The following EXOSC2 variants were observed in gnomAD, a reference collection of about 807,000 sequenced individuals.
EXOSC2 encodes the protein exosome complex component RRP4.
Under a neutral mutation model 37.6 loss-of-function variants are expected in EXOSC2, and 29 were observed. That is an observed-to-expected ratio of 0.77 (90% CI 0.57 to 1.05). EXOSC2 has a LOEUF of 1.05. Ranked by LOEUF, EXOSC2 falls within the 50% of genes least tolerant of loss-of-function variation. The pLI is 0.00. For missense variants in EXOSC2, 346 were observed against 365.6 expected (o/e 0.95, Z 0.44); for synonymous variants, 119 against 131.1 (o/e 0.91, Z 0.63).
chr9:130,701,654 T>C (rs1226904443), intron 6 of EXOSC2: 1 of 972,832 alleles, frequency 1.0e-6, no homozygotes, highest in African/African-American at 1.8e-5. Flanking sequence ...TGGCAGGACG[T>C]GGACTTGAGC....
Position 130,693,797 on chromosome 9 carries a change from G to C in EXOSC2, c.6G>C (p.Ala2=), listed in dbSNP as rs755941119. The change falls in exon 1 of 9, where the codon GCG becomes GCC. Residue 2 remains alanine (A), a synonymous_variant. Coordinates refer to ENST00000372358, the MANE Select transcript of EXOSC2 (RefSeq NM_014285.7). ...CGCAACTCATTGGCGCCAAGATGGC[G>C]ATGGAGATGAGGCTTCCAGTGGCTC... M[A]MEMRLPVARK... 1 of 1,605,090 alleles carries C rather than the reference G, an allele frequency of 6.2e-7. No individual in the cohort carries two copies. Among genetic ancestry groups the C allele is most frequent in the East Asian group, 2.2e-5 (1 of 44,470 alleles).
At position 130,704,624 on chromosome 9, in the gene EXOSC2, G is replaced by A. The variant is rs1457347518; in HGVS notation, c.*850G>A. ...CCATAGATGTGATTATGTCCACACC[G>A]GGCTGCCTTAATCTGTCCTGCTTGG... On this transcript the variant is annotated 3_prime_UTR_variant, in exon 9 of 9. Transcript: ENST00000372358. 3 of 151,990 alleles carry A rather than the reference G, an allele frequency of 2.0e-5. No homozygotes were observed. Among genetic ancestry groups the A allele is most frequent in the Admixed American group, 6.6e-5 (1 of 15,226 alleles). The allele number at this position is 151,990 out of a possible 1,614,324, so 9.4% of individuals were successfully genotyped here.
At chr9:130,702,461 A>G in intron 7 of EXOSC2, 151 bp downstream of exon 7, 2 of 633,320 alleles carry the variant, frequency 3.2e-6, no homozygotes, top group Non-Finnish European at 5.2e-6. Context: ...CATGAAGCCC[A>G]TATTATCTTC....
At chr9:130,696,054 G>C (rs1831088000) in intron 2 of EXOSC2, among the ~76,000 whole-genome samples, 1 of 151,880 alleles carries the variant, frequency 6.6e-6, no homozygotes, top group Non-Finnish European at 1.5e-5. Flanking sequence ...GTAGAGACAG[G>C]GTTTCACCAT....
In EXOSC2 at chr9:130,698,361, C is replaced by T. The variant is rs1831142552; in HGVS notation, c.360+110C>T. Reference sequence around the variant, plus strand: ...ATTTACACTGAGGTTGCCCCTTTGACTCCTGTTTGTCTGCTGTGAAGTTTG... The same window carrying T: ...ATTTACACTGAGGTTGCCCCTTTGATTCCTGTTTGTCTGCTGTGAAGTTTG... On this transcript the variant is annotated intron_variant, in intron 4 of 8. Transcript: ENST00000372358. The surrounding 1 kb of genome is among the most constrained non-coding windows in gnomAD (Gnocchi z 4.1). The T allele has an allele frequency of 1.1e-4, 103 of 904,210 alleles. 1 individual carries two copies. In the South Asian group the frequency reaches 1.5e-3, roughly 13 times the overall value. The allele number at this position is 904,210 out of a possible 1,614,324, so 56.0% of individuals were successfully genotyped here. A position where few individuals can be genotyped will look rare whatever the true frequency, so the allele number is the denominator to read the frequency against.
intron 2 of EXOSC2, among the ~76,000 whole-genome samples, chr9:130,695,834 G>A (rs1564255194): frequency 6.7e-6 from 1 of 149,670 alleles, no homozygotes; most frequent in Non-Finnish European, 1.5e-5. Flanking sequence ...TAATAGCATG[G>A]CCTACTTCAT....
chr9:130,695,672 C>G (rs1175977012), intron 2 of EXOSC2, 79 bp downstream of exon 2: 1 of 1,179,196 alleles, frequency 8.5e-7, no homozygotes, highest in Non-Finnish European at 1.2e-6. Context: ...CTCCTTATCC[C>G]CCACCCCACC....
At chr9:130,696,967 T>C (rs1831110620) in intron 2 of EXOSC2, among the ~76,000 whole-genome samples, 2 of 152,286 alleles carry the variant, frequency 1.3e-5, no homozygotes, top group African/African-American at 2.4e-5. Context: ...TGAAAATGCC[T>C]GTTAGTCATC....
intron 6 of EXOSC2, 81 bp from the exon 7 acceptor site, chr9:130,702,053 T>G: frequency 4.6e-6 from 7 of 1,519,444 alleles, no homozygotes; most frequent in Non-Finnish European, 6.2e-6. Context: ...TTGAATATAC[T>G]TAGGATGTAT....
chr9:130,702,911 C>A, intron 7 of EXOSC2, 142 bp from the exon 8 acceptor site: 1 of 1,031,824 alleles, frequency 9.7e-7, no homozygotes, highest in Non-Finnish European at 1.4e-6. Flanking sequence ...TTTAATCTCC[C>A]TTGGAATTAG....
chr9:130,696,111 C>G lies in EXOSC2; in HGVS notation c.224+518C>G, dbSNP rs561038116. On this transcript the variant is annotated intron_variant, in intron 2 of 8. Coordinates refer to ENST00000372358, the MANE Select transcript of EXOSC2 (RefSeq NM_014285.7). ...CTGCTGACCTCTGATGATTTCCCCC[C>G]ACTTGGCCTCCCAAAGTGCTGGGAT... Among the ~76,000 whole-genome samples, 8 of 152,180 alleles carry G rather than the reference C, an allele frequency of 5.3e-5. No individual in the cohort carries two copies. The South Asian group carries it at 1.0e-3, about 20-fold the overall frequency.
chr9:130,693,822 C>G lies in EXOSC2; in HGVS notation c.31C>G (p.Arg11Gly), dbSNP rs1361769558. 3.7e-6 allele frequency: 6 copies of G among 1,609,634 alleles called. No individual in the cohort carries two copies. In the East Asian group the frequency reaches 1.3e-4, roughly 36 times the overall value. Residue 11 changes from arginine (R) to glycine (G), a missense_variant, in exon 1 of 9, where the codon CGC (arginine) becomes GGC (glycine). Coordinates refer to ENST00000372358, the MANE Select transcript of EXOSC2 (RefSeq NM_014285.7). Reference sequence around the variant, plus strand: ...GATGGAGATGAGGCTTCCAGTGGCTCGCAAGCCTCTTAGCGAGAGACTGGG... The same window carrying G: ...GATGGAGATGAGGCTTCCAGTGGCTGGCAAGCCTCTTAGCGAGAGACTGGG... MAMEMRLPVA[R>G]KPLSERLGRD... is the part of the protein sequence containing the mutation.
intron 6 of EXOSC2, 83 bp downstream of exon 6, chr9:130,701,018 G>T: frequency 1.4e-6 from 2 of 1,389,756 alleles, no homozygotes; most frequent in South Asian, 2.4e-5. Context: ...TGGAATTCTG[G>T]CCTAAAGAAC....
rs189086153 is a variant in EXOSC2, at chr9:130,698,326, G to A, written c.360+75G>A. ...AGCCGTGGGACCCTTTGTTCCACCA[G>A]AGGACTTTGATTTACACTGAGGTTG... On this transcript the variant is annotated intron_variant, in intron 4 of 8. Coordinates refer to ENST00000372358, the MANE Select transcript of EXOSC2 (RefSeq NM_014285.7). This position sits in a 1 kb window ranked among gnomAD's most constrained non-coding sequence, Gnocchi z 4.1. 9.5e-4 allele frequency: 1,308 copies of A among 1,384,114 alleles called. 21 individuals carry two copies. In the South Asian group the frequency reaches 0.015, roughly 16 times the overall value. 85.7% of individuals were successfully genotyped at this position (1,384,114 alleles called of 1,614,324 possible).
rs1381865097 is a variant in EXOSC2, at chr9:130,701,592, G to A, written c.496-542G>A. ...GTTGATGTACATGGAGTAGGCAGAG[G>A]ACTGCTGCAGTATGCTGACTTTCAC... On this transcript the variant is annotated intron_variant, in intron 6 of 8. Coordinates refer to ENST00000372358, the MANE Select transcript of EXOSC2 (RefSeq NM_014285.7). 14 of 986,686 alleles carry A rather than the reference G, an allele frequency of 1.4e-5. No individual in the cohort carries two copies. In the East Asian group the frequency reaches 5.7e-4, roughly 40 times the overall value. 61.1% of individuals were successfully genotyped at this position (986,686 alleles called of 1,614,324 possible).
intron 5 of EXOSC2, among the ~76,000 whole-genome samples, chr9:130,700,025 A>C (rs116558994): frequency 2.8e-4 from 43 of 152,120 alleles, no homozygotes; most frequent in African/African-American, 8.0e-4. Context: ...GTTATTTTTT[A>C]AATTTTTCTT....
At chr9:130,701,934 TCTG>T (rs1289409482) in intron 6 of EXOSC2, 197 bp from the exon 7 acceptor site, 136 of 1,394,982 alleles carry the variant, frequency 9.7e-5, no homozygotes, top group Non-Finnish European at 1.2e-4. Flanking sequence ...AAGGTCACCT[TCTG>T]CTGGGATGTA....
rs141194364 is a variant in EXOSC2 at position 130,694,245 on chromosome 9, A to G, written c.122+332A>G. On this transcript the variant is annotated intron_variant, in intron 1 of 8. Coordinates refer to ENST00000372358, the MANE Select transcript of EXOSC2 (RefSeq NM_014285.7). This position sits in a 1 kb window ranked among gnomAD's most constrained non-coding sequence, Gnocchi z 4.0. ...GAGGGTTAGGTGCAGGCTCTTTTCC[A>G]GTTTTCAGCTCTCTGAGGGGACGGT... Among the ~76,000 whole-genome samples the G allele has an allele frequency of 7.8e-4, 118 of 151,982 alleles. No individual in the cohort carries two copies. The highest frequency in any genetic ancestry group is 2.8e-3 in the African/African-American group (116 of 41,460).
Position 130,700,955 on chromosome 9 carries a change from T to C in EXOSC2, c.495+20T>C. 1.2e-6 allele frequency: 2 copies of C among 1,613,400 alleles called. No homozygotes were observed. Among genetic ancestry groups the C allele is most frequent in the East Asian group, 2.2e-5 (1 of 44,880 alleles). On this transcript the variant is annotated intron_variant, in intron 6 of 8. Coordinates refer to ENST00000372358, the MANE Select transcript of EXOSC2 (RefSeq NM_014285.7). ...GGAAAAGTAAGTCGGGCTCTTGATG[T>C]TCCTGTTTGCTGACTGAGACTACAA...
Sources: allele counts gnomAD v4.1 joint callset (sites outside exome capture counted in the v4.1 genomes callset), GRCh38; gene constraint gnomAD v4.1.1; non-coding constraint Gnocchi (gnomAD v3.1); transcripts MANE v1.5; gene names NCBI Gene and HGNC (gene_info 2026-07-23, HGNC 2026-07-21).